Variants in MEI1 observed in about 807,000 individuals in gnomAD.
MEI1 encodes the protein meiotic double-stranded break formation protein 1, also known as meiosis inhibitor protein 1.
In MEI1, 103 loss-of-function variants were observed where a neutral mutation model predicts 146.2. That is an observed-to-expected ratio of 0.70 (90% CI 0.60 to 0.83). The LOEUF is 0.83. MEI1 is among the 40% of genes least tolerant of loss of function. MEI1 has a pLI of 0.00. For synonymous variants in MEI1, 652 were observed against 628.2 expected (o/e 1.04, Z -0.57); for missense variants, 1,529 against 1,533.0 (o/e 1.00, Z 0.04).
intron 14 of MEI1, chr22:41,747,222 A>G (rs2073366645): frequency 6.6e-6 from 1 of 151,180 alleles, no homozygotes; most frequent in African/African-American, 2.4e-5. Context: ...CAGAGCCTGA[A>G]CTAGAACCCT....
At chr22:41,718,775 G>A (rs2070450956) in intron 6 of MEI1, among the ~76,000 whole-genome samples, 1 of 152,122 alleles carries the variant, frequency 6.6e-6, no homozygotes, top group African/African-American at 2.4e-5. Flanking sequence ...CAAGAGGCTG[G>A]CAGTTGGTGA....
chr22:41,748,766 C>T (rs1396674785), intron 15 of MEI1, among the ~76,000 whole-genome samples: 1 of 151,946 alleles, frequency 6.6e-6, no homozygotes, highest in Non-Finnish European at 1.5e-5. Flanking sequence ...AAGTGGTATG[C>T]CCAGGATTCA....
rs984702207 is a variant in MEI1 at position 41,721,237 on chromosome 22, C to CTTTTTT, written c.734-2686_734-2681dup. ...ACAGGTGTTAGCCACCACGCCCGTT[C>CTTTTTT]TTTTTTTTTTTTTTTTTTTTTTTTT... is the stretch of plus-strand genomic sequence containing the variant. On this transcript the variant is annotated intron_variant, in intron 6 of 30. Transcript: ENST00000401548. Among the ~76,000 whole-genome samples the CTTTTTT allele has an allele frequency of 7.5e-3, 528 of 70,488 alleles. 52 individuals carry two copies. The highest frequency in any genetic ancestry group is 0.034 in the African/African-American group (490 of 14,596). The allele number at this position is 70,488 out of a possible 152,430, so 46.2% of individuals were successfully genotyped here. A position where few individuals can be genotyped will look rare whatever the true frequency, so the allele number is the denominator to read the frequency against.
intron 19 of MEI1, 128 bp from the exon 20 acceptor site, chr22:41,770,558 T>G: frequency 8.4e-5 from 70 of 831,912 alleles, no homozygotes; most frequent in Non-Finnish European, 1.2e-4. Context: ...TGCCTTGGGA[T>G]GAGCTAGCCA....
At chr22:41,715,794 G>A (rs749013594) in intron 4 of MEI1, among the ~76,000 whole-genome samples, 1 of 152,058 alleles carries the variant, frequency 6.6e-6, no homozygotes, top group African/African-American at 2.4e-5. Context: ...AAAATATGTA[G>A]ATTTTAATTC....
intron 12 of MEI1, among the ~76,000 whole-genome samples, chr22:41,744,146 T>C (rs1601878117): frequency 6.6e-6 from 1 of 151,954 alleles, no homozygotes; most frequent in Non-Finnish European, 1.5e-5. Flanking sequence ...ATTACAGGCA[T>C]GATCCACTGC....
intron 20 of MEI1, 151 bp from the exon 21 acceptor site, chr22:41,775,951 T>G: frequency 1.4e-6 from 1 of 701,586 alleles, no homozygotes; most frequent in Non-Finnish European, 2.4e-6. Flanking sequence ...AGAAGAGCCT[T>G]TGGTACATAA....
Position 41,758,394 on chromosome 22 carries a change from C to A in MEI1, c.1981C>A (p.His661Asn), listed in dbSNP as rs768378738. 3.1e-6 allele frequency: 5 copies of A among 1,613,824 alleles called. No individual in the cohort carries two copies. Among genetic ancestry groups the A allele is most frequent in the Non-Finnish European group, 4.2e-6 (5 of 1,179,838 alleles). Reference sequence around the variant, plus strand: ...CTCTGCAGTGTCTGAGCTCCTGCAGCATGGGCTGCCCCAGATAAGCAGCAG... The same window carrying A: ...CTCTGCAGTGTCTGAGCTCCTGCAGAATGGGCTGCCCCAGATAAGCAGCAG... The part of the protein sequence containing the change: ...ELSAVSELLQ[H>N]GLPQISSRSP... The change falls in exon 18 of 31, where the codon CAT becomes AAT. Residue 661 changes from histidine to asparagine, a missense_variant. His to Asn is a moderately conservative substitution (Grantham distance 68, BLOSUM62 1). This residue lies in a region of MEI1 where 1,212 missense variants were observed against 1,178.9 expected (regional missense o/e 1.03). Transcript: ENST00000401548.
At chr22:41,739,448 G>A (rs2072673392) in intron 11 of MEI1, among the ~76,000 whole-genome samples, 1 of 151,950 alleles carries the variant, frequency 6.6e-6, no homozygotes, top group Non-Finnish European at 1.5e-5. Context: ...CTCAAGGCCA[G>A]TCAGCTATAC....
chr22:41,703,192 C>T, intron 1 of MEI1, 139 bp from the exon 2 acceptor site: 1 of 886,420 alleles, frequency 1.1e-6, no homozygotes, highest in Non-Finnish European at 1.7e-6. Flanking sequence ...TTCCAACCTC[C>T]CTTGAAGGAG....
intron 15 of MEI1, among the ~76,000 whole-genome samples, chr22:41,750,275 T>C (rs1297790232): frequency 1.3e-5 from 2 of 151,792 alleles, no homozygotes; most frequent in East Asian, 3.9e-4. Context: ...TTTGGAGAGG[T>C]AGGAAGGAAA....
chr22:41,729,256 C>G (rs2071645933), intron 7 of MEI1, among the ~76,000 whole-genome samples: 1 of 151,362 alleles, frequency 6.6e-6, no homozygotes, highest in Non-Finnish European at 1.5e-5. Flanking sequence ...TCGCTGGATA[C>G]CTGGAGGCAG....
intron 30 of MEI1, among the ~76,000 whole-genome samples, chr22:41,796,321 G>A (rs1238633107): frequency 6.6e-6 from 1 of 150,916 alleles, no homozygotes; most frequent in Non-Finnish European, 1.5e-5. Context: ...CCGAGTAGCT[G>A]GGACTACAGG....
chr22:41,789,169 G>A (rs904842475), intron 26 of MEI1, among the ~76,000 whole-genome samples: 7 of 152,054 alleles, frequency 4.6e-5, no homozygotes, highest in South Asian at 4.1e-4. Context: ...AAAATTAGCC[G>A]GGCGTGGTGG....
chr22:41,795,667 A>G lies in MEI1; in HGVS notation c.3667-68A>G. 6.3e-7 allele frequency: 1 copy of G among 1,588,288 alleles called. No individual in the cohort carries two copies. The highest frequency in any genetic ancestry group is 8.6e-7 in the Non-Finnish European group (1 of 1,163,038). Reference sequence around the variant, plus strand: ...GGGAGGAGGGAAGTACAGAGGATGGAGGCAGTTAGGGCCTGTGTGGAATGG... The same window carrying G: ...GGGAGGAGGGAAGTACAGAGGATGGGGGCAGTTAGGGCCTGTGTGGAATGG... On this transcript the variant is annotated intron_variant, in intron 29 of 30. Coordinates refer to ENST00000401548, the MANE Select transcript of MEI1 (RefSeq NM_152513.4). This position sits in a 1 kb window ranked among gnomAD's most constrained non-coding sequence, Gnocchi z 4.2.
chr22:41,776,338 T>C, intron 21 of MEI1, 71 bp downstream of exon 21: 2 of 1,522,042 alleles, frequency 1.3e-6, no homozygotes, highest in Non-Finnish European at 1.8e-6. Context: ...CTACCCTTGT[T>C]AGGTCTGCTC....
At position 41,706,362 on chromosome 22, in the gene MEI1, C is replaced by T. The variant is rs2069094590; in HGVS notation, c.349+808C>T. On this transcript the variant is annotated intron_variant, in intron 3 of 30. Coordinates refer to ENST00000401548, the MANE Select transcript of MEI1 (RefSeq NM_152513.4). ...ATTTACTCTGTGCTAGATACTGGAT[C>T]AGGCACTACGGATACATAGATAGAT... Among the ~76,000 whole-genome samples, 3 of 152,258 alleles carry T rather than the reference C, an allele frequency of 2.0e-5. No homozygotes were observed. The South Asian group carries it at 6.2e-4, about 32-fold the overall frequency.
chr22:41,765,152 A>C (rs1266109996), intron 19 of MEI1, among the ~76,000 whole-genome samples: 1 of 152,048 alleles, frequency 6.6e-6, no homozygotes, highest in Non-Finnish European at 1.5e-5. Flanking sequence ...TTACAGTGGG[A>C]TTATAGGCAT....
intron 26 of MEI1, among the ~76,000 whole-genome samples, chr22:41,787,382 TTTATTA>T (rs946089440): frequency 1.4e-4 from 22 of 152,284 alleles, no homozygotes; most frequent in Admixed American, 1.4e-3. Context: ...CTAATAACAT[TTTATTA>T]TACTTGCTTA....
Sources: allele counts gnomAD v4.1 joint callset (sites outside exome capture counted in the v4.1 genomes callset), GRCh38; gene constraint gnomAD v4.1.1; regional missense constraint gnomAD v4.1.1; non-coding constraint Gnocchi (gnomAD v3.1); transcripts MANE v1.5; gene names NCBI Gene and HGNC (gene_info 2026-07-23, HGNC 2026-07-21).